The following PRKAG2 variants were observed in gnomAD, a reference collection of about 807,000 sequenced individuals.
PRKAG2 encodes the protein 5'-AMP-activated protein kinase subunit gamma-2.
Under a neutral mutation model 69.6 loss-of-function variants are expected in PRKAG2, and 26 were observed. The observed-to-expected ratio is 0.37, with a 90% CI of 0.27 to 0.52. The LOEUF is 0.52. Ranked by LOEUF, PRKAG2 falls within the 20% of genes least tolerant of loss-of-function variation. The pLI is 0.90. For missense variants in PRKAG2, 557 were observed against 740.0 expected (o/e 0.75, Z 2.87); for synonymous variants, 293 against 285.0 (o/e 1.03, Z -0.28).
chr7:151,805,737 G>A (rs2151844547), intron 1 of PRKAG2, among the ~76,000 whole-genome samples: 1 of 152,294 alleles, frequency 6.6e-6, no homozygotes, highest in East Asian at 1.9e-4. Context: ...AATATACTAT[G>A]ATTACTGAAC....
intron 4 of PRKAG2, among the ~76,000 whole-genome samples, chr7:151,659,501 T>A (rs559434882): frequency 6.6e-6 from 1 of 152,314 alleles, no homozygotes; most frequent in Non-Finnish European, 1.5e-5. Context: ...ACCTTGAGGC[T>A]TTTCTTCTCA....
At chr7:151,577,540 T>C (rs1809266190) in intron 6 of PRKAG2, among the ~76,000 whole-genome samples, 1 of 152,212 alleles carries the variant, frequency 6.6e-6, no homozygotes, top group Admixed American at 6.5e-5. Context: ...ATAAAACCAC[T>C]GGTGGCACCA....
intron 3 of PRKAG2, among the ~76,000 whole-genome samples, chr7:151,677,810 C>T (rs1184641162): frequency 6.6e-6 from 1 of 152,228 alleles, no homozygotes; most frequent in Non-Finnish European, 1.5e-5. Flanking sequence ...TCTGTGGTCA[C>T]TTTCCTTTTT....
chr7:151,804,000 T>C lies in PRKAG2; in HGVS notation c.115-17459A>G, dbSNP rs180989446. On this transcript the variant is annotated intron_variant, in intron 1 of 15. Coordinates refer to ENST00000287878, the MANE Select transcript of PRKAG2 (RefSeq NM_016203.4). ...AAAGTCAAAACATAACAACCTGTAA[T>C]TGAAGAGTCATACCCTTGGCCCAGC... is the stretch of plus-strand genomic sequence containing the variant. 1.8e-3 allele frequency among the ~76,000 whole-genome samples: 268 copies of C among 151,640 alleles called. 2 individuals are homozygous for C. The highest frequency in any genetic ancestry group is 0.014 in the Middle Eastern group (4 of 288).
At chr7:151,621,020 G>C (rs185673897) in intron 5 of PRKAG2, among the ~76,000 whole-genome samples, 258 of 152,300 alleles carry the variant, frequency 1.7e-3, no homozygotes, top group African/African-American at 6.1e-3. Context: ...GCCCAGCCTA[G>C]ATTTCTTAAT....
At position 151,722,711 on chromosome 7, in the gene PRKAG2, C is replaced by T. The variant is rs113934127; in HGVS notation, c.467-47074G>A. 5.2e-3 allele frequency among the ~76,000 whole-genome samples: 795 copies of T among 152,180 alleles called. 4 individuals are homozygous for T. The highest frequency in any genetic ancestry group is 0.018 in the African/African-American group (749 of 41,522). ...AAGGGAAGCCGAGAGTGTGCACCGC[C>T]GCCTCCCCACCATCAGCCAACAGCT... On this transcript the variant is annotated intron_variant, in intron 3 of 15. Transcript: ENST00000287878.
At chr7:151,724,729 GC>G (rs1257137557) in intron 3 of PRKAG2, among the ~76,000 whole-genome samples, 1 of 152,180 alleles carries the variant, frequency 6.6e-6, no homozygotes. Context: ...CCGCTTGCCC[GC>G]CCCACAAGTG....
chr7:151,685,792 A>G (rs1834634219), intron 3 of PRKAG2, among the ~76,000 whole-genome samples: 1 of 151,796 alleles, frequency 6.6e-6, no homozygotes, highest in African/African-American at 2.4e-5. Flanking sequence ...AAATTCTAAT[A>G]TGGTGAATAT....
intron 3 of PRKAG2, among the ~76,000 whole-genome samples, chr7:151,726,712 G>T (rs4726087): frequency 6.6e-6 from 1 of 152,106 alleles, no homozygotes; most frequent in East Asian, 1.9e-4. Flanking sequence ...AAAAAAAATC[G>T]TGTAAATTCA....
At chr7:151,712,462 C>T (rs530814122) in intron 3 of PRKAG2, among the ~76,000 whole-genome samples, 38 of 152,336 alleles carry the variant, frequency 2.5e-4, no homozygotes, top group African/African-American at 8.9e-4. Flanking sequence ...CCTGCAGGGG[C>T]CTTGCTCTGG....
At position 151,556,868 on chromosome 7, in the gene PRKAG2, T is replaced by G. The variant is rs1416387626; in HGVS notation, c.*333A>C. On this transcript the variant is annotated 3_prime_UTR_variant, in exon 16 of 16. Transcript: ENST00000287878. ...AAGGCACTGTGATCTGAACATACCG[T>G]GCACTCACCTTATGCCACATCACCT... 1 of 383,270 alleles carries G rather than the reference T, an allele frequency of 2.6e-6. No individual in the cohort carries two copies. Among genetic ancestry groups the G allele is most frequent in the Non-Finnish European group, 4.9e-6 (1 of 202,116 alleles). 23.7% of individuals were successfully genotyped at this position (383,270 alleles called of 1,614,324 possible).
chr7:151,795,155 C>T (rs2077435790), intron 1 of PRKAG2, among the ~76,000 whole-genome samples: 2 of 152,202 alleles, frequency 1.3e-5, no homozygotes, highest in Admixed American at 6.5e-5. Flanking sequence ...CTGAGATCCC[C>T]CAGAAGGAGG....
intron 3 of PRKAG2, among the ~76,000 whole-genome samples, chr7:151,745,188 AC>A (rs752853304): frequency 6.6e-6 from 1 of 152,158 alleles, no homozygotes; most frequent in Non-Finnish European, 1.5e-5. Context: ...ACGAGGCCAT[AC>A]CTGCAAAGCA....
intron 1 of PRKAG2, among the ~76,000 whole-genome samples, chr7:151,852,552 T>A (rs1011903773): frequency 6.6e-6 from 1 of 151,962 alleles, no homozygotes; most frequent in East Asian, 1.9e-4. Context: ...CACTGCTACA[T>A]CCTCAGTGTA....
intron 3 of PRKAG2, among the ~76,000 whole-genome samples, chr7:151,773,077 G>C (rs2076149282): frequency 1.3e-5 from 1 of 78,378 alleles, no homozygotes; most frequent in African/African-American, 5.1e-5. Flanking sequence ...GAGGGAGGGA[G>C]GGAGGGAGGG....
intron 6 of PRKAG2, among the ~76,000 whole-genome samples, chr7:151,577,935 G>T (rs1809374126): frequency 6.7e-6 from 1 of 150,318 alleles, no homozygotes; most frequent in Non-Finnish European, 1.5e-5. Context: ...GATACATTAA[G>T]AAGCTGGGAT....
At chr7:151,854,382 C>T (rs1390541022) in intron 1 of PRKAG2, among the ~76,000 whole-genome samples, 1 of 152,268 alleles carries the variant, frequency 6.6e-6, no homozygotes, top group Non-Finnish European at 1.5e-5. Flanking sequence ...CAGCTGGATG[C>T]TTGTGGGGCC....
rs1808524694 is a variant in PRKAG2, at chr7:151,574,909, T to C, written c.987A>G (p.Arg329=). Residue 329 remains arginine, a synonymous_variant, in exon 8 of 16, where the codon AGA becomes AGG. Transcript: ENST00000287878. The part of the protein sequence containing the change: ...TITDFINILH[R]YYKSPMVQIY... ...CACTTACCATAGGTGATTTATAGTA[T>C]CTATGTAGTATATTTATGAAATCTG... The C allele has an allele frequency of 6.2e-7, 1 of 1,613,678 alleles. No individual in the cohort carries two copies. The highest frequency in any genetic ancestry group is 1.1e-5 in the South Asian group (1 of 91,070).
intron 3 of PRKAG2, among the ~76,000 whole-genome samples, chr7:151,769,277 A>G (rs1379743147): frequency 6.6e-6 from 1 of 152,244 alleles, no homozygotes; most frequent in East Asian, 1.9e-4. Flanking sequence ...TGGGTTAGAC[A>G]GTGCCCCCAC....
Sources: gnomAD v4.1 joint callset for allele counts (sites outside exome capture counted in the v4.1 genomes callset) on GRCh38, gnomAD v4.1.1 for gene constraint, MANE v1.5 for transcripts, NCBI Gene and HGNC (gene_info 2026-07-23, HGNC 2026-07-21) for gene names.